The following PPP1R12B variants were observed in gnomAD, a reference collection of about 807,000 sequenced individuals.
PPP1R12B encodes the protein myosin phosphatase target subunit 2.
In PPP1R12B, 76 loss-of-function variants were observed where a neutral mutation model predicts 126.1. The observed-to-expected ratio is 0.60, with a 90% CI of 0.50 to 0.73. The LOEUF is 0.73. PPP1R12B is among the 30% of genes least tolerant of loss of function. The probability of loss-of-function intolerance (pLI) is 0.00; values close to 1 mark genes in which losing one functional copy is unlikely to be tolerated. For missense variants in PPP1R12B, 1,052 were observed against 1,205.1 expected (o/e 0.87, Z 1.88); for synonymous variants, 356 against 434.7 (o/e 0.82, Z 2.25).
rs1324379001 is a variant in PPP1R12B, at chr1:202,587,270, C to G, written c.*6710C>G. ...CATTCTTAATTCCTTGCTTTTCTCA[C>G]TTGGAGCCGAGGGTGCTTTAGAGAG... is the stretch of plus-strand genomic sequence containing the variant. On this transcript the variant is annotated 3_prime_UTR_variant, in exon 24 of 24. Transcript: ENST00000608999. The G allele has an allele frequency of 6.6e-6, 1 of 152,210 alleles. No individual in the cohort carries two copies. The highest frequency in any genetic ancestry group is 1.5e-5 in the Non-Finnish European group (1 of 68,048). 9.4% of individuals were successfully genotyped at this position (152,210 alleles called of 1,614,324 possible). A position where few individuals can be genotyped will look rare whatever the true frequency, so the allele number is the denominator to read the frequency against.
rs560342910 is a variant in PPP1R12B, at chr1:202,404,538, A to G, written c.292-12249A>G. Reference sequence around the variant, plus strand: ...TTTTTTTGAGATGGAGTCTCACTCTATTGCCCAGGCTGGAGTGCAGTGGCG... The same window carrying G: ...TTTTTTTGAGATGGAGTCTCACTCTGTTGCCCAGGCTGGAGTGCAGTGGCG... On this transcript the variant is annotated intron_variant, in intron 1 of 23. Transcript: ENST00000608999. Among the ~76,000 whole-genome samples, 24 of 151,774 alleles carry G rather than the reference A, an allele frequency of 1.6e-4. 1 individual carries two copies. In the South Asian group the frequency reaches 2.7e-3, roughly 17 times the overall value.
At chr1:202,568,628 G>A (rs568113557) in intron 22 of PPP1R12B, among the ~76,000 whole-genome samples, 4 of 152,162 alleles carry the variant, frequency 2.6e-5, no homozygotes, top group Non-Finnish European at 5.9e-5. Context: ...AAGAGAAATG[G>A]AACGGGAGAG....
chr1:202,387,064 T>C (rs937515840), intron 1 of PPP1R12B, among the ~76,000 whole-genome samples: 5 of 152,228 alleles, frequency 3.3e-5, no homozygotes, highest in African/African-American at 1.2e-4. Flanking sequence ...CATGCAGTTA[T>C]TGATTTTGTG....
In PPP1R12B at chr1:202,379,376, T is replaced by A. The variant is rs748321922; in HGVS notation, c.291+30234T>A. On this transcript the variant is annotated intron_variant, in intron 1 of 23. Coordinates refer to ENST00000608999, the MANE Select transcript of PPP1R12B (RefSeq NM_002481.4). ...TCCAAAGAGCCTGATTCATTAGGTCTATGGTAGGACCCAGGAATCTTTTAT... is the reference window on the plus strand; with the variant it reads ...TCCAAAGAGCCTGATTCATTAGGTCAATGGTAGGACCCAGGAATCTTTTAT... 1.8e-4 allele frequency among the ~76,000 whole-genome samples: 28 copies of A among 152,232 alleles called. 1 individual carries two copies. The highest frequency in any genetic ancestry group is 3.1e-4 in the Non-Finnish European group (21 of 68,034).
chr1:202,399,204 C>A lies in PPP1R12B; in HGVS notation c.292-17583C>A, dbSNP rs1252336977. ...AATTATTTTCATATTTAATTATATTCATATTTGTCATATAACTAGGAGATT... is the reference window on the plus strand; with the variant it reads ...AATTATTTTCATATTTAATTATATTAATATTTGTCATATAACTAGGAGATT... On this transcript the variant is annotated intron_variant, in intron 1 of 23. Transcript: ENST00000608999. 2.0e-5 allele frequency among the ~76,000 whole-genome samples: 3 copies of A among 152,072 alleles called. No homozygotes were observed. In the South Asian group the frequency reaches 6.2e-4, roughly 32 times the overall value.
intron 13 of PPP1R12B, among the ~76,000 whole-genome samples, chr1:202,467,380 C>A (rs1356729817): frequency 6.6e-6 from 1 of 152,044 alleles, no homozygotes; most frequent in African/African-American, 2.4e-5. Context: ...CCCGCTCCCC[C>A]CACCCCACAA....
Position 202,445,952 on chromosome 1 carries a change from A to T in PPP1R12B, c.1668-3037A>T, listed in dbSNP as rs1326926579. 2.0e-5 allele frequency among the ~76,000 whole-genome samples: 3 copies of T among 152,036 alleles called. No individual in the cohort carries two copies. In the East Asian group the frequency reaches 5.8e-4, roughly 29 times the overall value. Reference sequence around the variant, plus strand: ...GATAAAGAAAATGAAAAAAATCTTAATGATAGTGTTGTTGCAGGAACACCA... The same window carrying T: ...GATAAAGAAAATGAAAAAAATCTTATTGATAGTGTTGTTGCAGGAACACCA... On this transcript the variant is annotated intron_variant, in intron 12 of 23. Coordinates refer to ENST00000608999, the MANE Select transcript of PPP1R12B (RefSeq NM_002481.4).
At chr1:202,530,285 T>C (rs1683796814) in intron 18 of PPP1R12B, among the ~76,000 whole-genome samples, 1 of 152,154 alleles carries the variant, frequency 6.6e-6, no homozygotes, top group Non-Finnish European at 1.5e-5. Context: ...TGACAATCAG[T>C]GTCCCCACAT....
chr1:202,350,528 T>TA (rs1389387559), intron 1 of PPP1R12B, among the ~76,000 whole-genome samples: 2 of 152,250 alleles, frequency 1.3e-5, no homozygotes, highest in Non-Finnish European at 2.9e-5. Context: ...GAGCTGAATG[T>TA]AAAATGAGAT....
chr1:202,499,306 G>A (rs753866729), intron 18 of PPP1R12B, among the ~76,000 whole-genome samples: 6 of 152,120 alleles, frequency 3.9e-5, no homozygotes, highest in African/African-American at 1.2e-4. Context: ...CCAGGTTGGA[G>A]TGCAGTGATG....
intron 15 of PPP1R12B, 120 bp from the exon 16 acceptor site, chr1:202,495,173 A>G: frequency 2.8e-6 from 2 of 724,036 alleles, no homozygotes; most frequent in South Asian, 3.8e-5. Context: ...GGTACTCAAT[A>G]TTGATCATCA....
At chr1:202,468,288 A>C (rs2148780471) in intron 13 of PPP1R12B, among the ~76,000 whole-genome samples, 1 of 152,246 alleles carries the variant, frequency 6.6e-6, no homozygotes, top group East Asian at 1.9e-4. Context: ...TTTAGTCATA[A>C]AGTCCTTGCC....
At chr1:202,409,907 A>AT (rs2148594100) in intron 1 of PPP1R12B, among the ~76,000 whole-genome samples, 1 of 152,026 alleles carries the variant, frequency 6.6e-6, no homozygotes, top group Admixed American at 6.5e-5. Flanking sequence ...GACATTGAGC[A>AT]TTTTTTCATA....
chr1:202,372,812 A>C (rs1025891904), intron 1 of PPP1R12B, among the ~76,000 whole-genome samples: 1 of 152,126 alleles, frequency 6.6e-6, no homozygotes, highest in Admixed American at 6.5e-5. Flanking sequence ...TAAAAGAAAA[A>C]AGAAAAGCAG....
intron 1 of PPP1R12B, among the ~76,000 whole-genome samples, chr1:202,395,114 CAAAAAAAAAAA>C (rs71142529): frequency 2.0e-5 from 2 of 97,958 alleles, no homozygotes; most frequent in Non-Finnish European, 3.8e-5. Context: ...GAGACTCTCT[CAAAAAAAAAAA>C]AAAAAAAAAG....
In PPP1R12B at chr1:202,529,162, G is replaced by A. The variant is rs1683666741; in HGVS notation, c.2491-29715G>A. Among the ~76,000 whole-genome samples, 9 of 152,214 alleles carry A rather than the reference G, an allele frequency of 5.9e-5. No individual in the cohort carries two copies. The South Asian group carries it at 1.9e-3, about 32-fold the overall frequency. On this transcript the variant is annotated intron_variant, in intron 18 of 23. Transcript: ENST00000608999. ...AGAACGTGAAGATAAAGTGTATATA[G>A]ATGGCACGTAGACAACTAATAAATG...
In PPP1R12B at chr1:202,495,702, C is replaced by CT. The variant is rs779245939; in HGVS notation, c.2448+21dup. Reference sequence around the variant, plus strand: ...AAGGATGTAAGTGGATTGGTCTGTGCTGAGGCATATCATATTACTCTTGGT... The same window carrying CT: ...AAGGATGTAAGTGGATTGGTCTGTGCTTGAGGCATATCATATTACTCTTGGT... On this transcript the variant is annotated intron_variant, in intron 17 of 23. Transcript: ENST00000608999. 1 of 1,593,256 alleles carries CT rather than the reference C, an allele frequency of 6.3e-7. No homozygotes were observed. Among genetic ancestry groups the CT allele is most frequent in the South Asian group, 1.1e-5 (1 of 90,586 alleles).
chr1:202,506,902 G>A (rs563578957), intron 18 of PPP1R12B, among the ~76,000 whole-genome samples: 3 of 152,182 alleles, frequency 2.0e-5, no homozygotes, highest in Admixed American at 6.5e-5. Flanking sequence ...GGAATACAGC[G>A]ATGGGGGATG....
intron 13 of PPP1R12B, among the ~76,000 whole-genome samples, chr1:202,485,146 C>G (rs1677920337): frequency 6.6e-6 from 1 of 152,264 alleles, no homozygotes; most frequent in Admixed American, 6.5e-5. Flanking sequence ...GGCAGTTTCC[C>G]CCCTGTGCAG....
Sources: allele counts gnomAD v4.1 joint callset (sites outside exome capture counted in the v4.1 genomes callset), GRCh38; gene constraint gnomAD v4.1.1; transcripts MANE v1.5; gene names NCBI Gene and HGNC (gene_info 2026-07-23, HGNC 2026-07-21).